The following LIAS variants were observed in gnomAD, a reference collection of about 807,000 sequenced individuals.
The protein encoded by LIAS is lipoyl synthase, mitochondrial.
Under a neutral mutation model 49.4 loss-of-function variants are expected in LIAS, and 36 were observed. That is an observed-to-expected ratio of 0.73 (90% CI 0.56 to 0.96). The LOEUF is 0.96. Ranked by LOEUF, LIAS falls within the 40% of genes least tolerant of loss-of-function variation. The pLI is 0.00. For synonymous variants in LIAS, 145 were observed against 155.8 expected (o/e 0.93, Z 0.52); for missense variants, 399 against 456.3 (o/e 0.87, Z 1.14).
intron 10 of LIAS, chr4:39,475,645 C>G (rs1414292086): frequency 6.6e-6 from 1 of 152,454 alleles, no homozygotes; most frequent in Non-Finnish European, 1.5e-5. Context: ...GGGTGGATCA[C>G]TTGAGCCCAG....
intron 6 of LIAS, chr4:39,466,290 G>A (rs1290701916): frequency 6.6e-6 from 1 of 152,012 alleles, no homozygotes; most frequent in Non-Finnish European, 1.5e-5. Context: ...TGGCACCTAA[G>A]CGCACTTAGT....
In LIAS at chr4:39,460,941, T is replaced by C. The variant is rs767940352; in HGVS notation, c.197T>C (p.Leu66Pro). 5 of 1,596,404 alleles carry C rather than the reference T, an allele frequency of 3.1e-6. No individual in the cohort carries two copies. The highest frequency in any genetic ancestry group is 4.3e-6 in the Non-Finnish European group (5 of 1,174,174). Residue 66 changes from leucine (L) to proline (P), a missense_variant, in exon 2 of 11, where the codon CTA (leucine) becomes CCA (proline). Transcript: ENST00000640888. ...RSTWDEYKGN[L>P]KRQKGERLRL... ...ACCTGGGATGAATATAAAGGAAACCTAAAACGCCAGAAAGGAGAAAGGTAA... is the reference window on the plus strand; with the variant it reads ...ACCTGGGATGAATATAAAGGAAACCCAAAACGCCAGAAAGGAGAAAGGTAA...
At chr4:39,463,873 A>G (rs756932798) in intron 4 of LIAS, 7 of 473,568 alleles carry the variant, frequency 1.5e-5, no homozygotes, top group Non-Finnish European at 2.3e-5. Flanking sequence ...ATGTTTGGAA[A>G]CATTATTCAT....
intron 1 of LIAS, among the ~76,000 whole-genome samples, chr4:39,459,812 T>C (rs1744357222): frequency 1.3e-5 from 2 of 152,156 alleles, no homozygotes; most frequent in South Asian, 2.1e-4. Context: ...ATACAAAAAT[T>C]AGCTGAGCGT....
At chr4:39,460,710 C>A (rs1744437701) in intron 1 of LIAS, 80 bp from the exon 2 acceptor site, 2 of 1,204,998 alleles carry the variant, frequency 1.7e-6, no homozygotes, top group South Asian at 2.0e-5. Flanking sequence ...CTTTACCCTT[C>A]CGTTTAGGTG....
chr4:39,459,367 C>T, intron 1 of LIAS: 2 of 608,256 alleles, frequency 3.3e-6, no homozygotes, highest in African/African-American at 1.8e-5. Flanking sequence ...GTTTGCAAGT[C>T]TCTCTGGGCC....
rs1764695857 is a variant in LIAS, at chr4:39,460,788, A to G, written c.46-2A>G. The G allele has an allele frequency of 5.8e-6, 9 of 1,560,896 alleles. No individual in the cohort carries two copies. Among genetic ancestry groups the G allele is most frequent in the Non-Finnish European group, 7.8e-6 (9 of 1,157,870 alleles). On this transcript the variant is annotated splice_acceptor_variant, in intron 1 of 10. Transcript: ENST00000640888. LOFTEE classifies it high-confidence loss of function. The stretch of plus-strand genomic sequence containing the variant: ...AAACGTCATAATTAACTCTTTCTTT[A>G]GGTATTTGGGAGATATTTTTGCAGC...
chr4:39,470,143 C>G lies in LIAS; in HGVS notation c.862C>G (p.Gln288Glu), dbSNP rs781031708. 3 of 1,610,698 alleles carry G rather than the reference C, an allele frequency of 1.9e-6. No homozygotes were observed. The South Asian group carries it at 3.3e-5, about 18-fold the overall frequency. The change falls in exon 8 of 11, where the codon CAA (glutamine) becomes GAA (glutamate). Residue 288 changes from glutamine to glutamate, a missense_variant. Transcript: ENST00000640888. ...IMLGLGENDEQVYATMKALRE... is the reference protein window; with the variant it reads ...IMLGLGENDEEVYATMKALRE... ...GTTGGGTTTAGGCGAGAATGATGAG[C>G]AAGTATATGCAACAATGAAAGGTAA... is the stretch of plus-strand genomic sequence containing the variant.
intron 9 of LIAS, 36 bp from the exon 10 acceptor site, chr4:39,473,064 T>C (rs1377069838): frequency 8.0e-7 from 1 of 1,248,676 alleles, no homozygotes; most frequent in Non-Finnish European, 1.2e-6. Flanking sequence ...AAAGTGGAAT[T>C]CTAAAATCTG....
chr4:39,468,084 A>AT, intron 7 of LIAS: 1 of 152,246 alleles, frequency 6.6e-6, no homozygotes, highest in Middle Eastern at 3.4e-3. Context: ...GCAAATTTCA[A>AT]TAAGTTGTTT....
chr4:39,468,238 G>C (rs1744833844), intron 7 of LIAS: 1 of 151,832 alleles, frequency 6.6e-6, no homozygotes, highest in Non-Finnish European at 1.5e-5. Flanking sequence ...TCAGCACTTT[G>C]GGAGGCAGAG....
intron 6 of LIAS, among the ~76,000 whole-genome samples, chr4:39,465,802 G>T (rs1010187188): frequency 2.6e-5 from 4 of 151,934 alleles, no homozygotes; most frequent in African/African-American, 7.3e-5. Flanking sequence ...GGGATTAGAG[G>T]CCCACGCCAC....
chr4:39,472,979 C>G (rs561477963), intron 9 of LIAS, 121 bp from the exon 10 acceptor site: 19 of 613,988 alleles, frequency 3.1e-5, no homozygotes, highest in Non-Finnish European at 5.2e-5. Flanking sequence ...AGGACAAAAG[C>G]CTGGGGGTGG....
rs1202453126 is a variant in LIAS at position 39,479,404 on chromosome 4, TA to T, written c.*2290del. ...GGTGGCGCATGTCTGTAATCCCAGC[TA>T]CTCAGGAGGCTGAGACAGGAGAATC... On this transcript the variant is annotated 3_prime_UTR_variant, in exon 11 of 11. Coordinates refer to ENST00000640888, the MANE Select transcript of LIAS (RefSeq NM_006859.4). The T allele has an allele frequency of 7.1e-6, 1 of 141,160 alleles. No individual in the cohort carries two copies. Among genetic ancestry groups the T allele is most frequent in the Non-Finnish European group, 1.5e-5 (1 of 66,300 alleles). 8.7% of individuals were successfully genotyped at this position (141,160 alleles called of 1,614,324 possible). A position where few individuals can be genotyped will look rare whatever the true frequency, so the allele number is the denominator to read the frequency against.
chr4:39,467,423 T>G, intron 6 of LIAS, 95 bp from the exon 7 acceptor site: 3 of 1,224,294 alleles, frequency 2.5e-6, no homozygotes, highest in Non-Finnish European at 3.3e-6. Flanking sequence ...GTTACTGTGT[T>G]GAAGCATACT....
chr4:39,475,410 T>TAAAC (rs1745160244), intron 10 of LIAS: 1 of 133,154 alleles, frequency 7.5e-6, no homozygotes, highest in Admixed American at 7.7e-5. Context: ...AATAAATAAA[T>TAAAC]AAACTAGGTA....
At chr4:39,469,937 T>G (rs1015536263) in intron 7 of LIAS, 82 bp from the exon 8 acceptor site, 8 of 1,277,190 alleles carry the variant, frequency 6.3e-6, no homozygotes, top group Non-Finnish European at 8.9e-6. Context: ...AATGTACTTC[T>G]CTGGTCTTTC....
chr4:39,477,140 A>T lies in LIAS; in HGVS notation c.*25A>T. 6.3e-7 allele frequency: 1 copy of T among 1,576,366 alleles called. No individual in the cohort carries two copies. Reference sequence around the variant, plus strand: ...AAACTTCAACAAGACCTTCAAGATCACAGAAATTTTTAAAATTTGATTCCA... The same window carrying T: ...AAACTTCAACAAGACCTTCAAGATCTCAGAAATTTTTAAAATTTGATTCCA... On this transcript the variant is annotated 3_prime_UTR_variant, in exon 11 of 11. Transcript: ENST00000640888.
chr4:39,472,156 CATCTT>C (rs1255639059), intron 9 of LIAS, among the ~76,000 whole-genome samples: 2 of 151,794 alleles, frequency 1.3e-5, no homozygotes, highest in African/African-American at 4.8e-5. Flanking sequence ...CATATATACA[CATCTT>C]ATTCTTATGA....
Sources: allele counts gnomAD v4.1 joint callset (sites outside exome capture counted in the v4.1 genomes callset), GRCh38; gene constraint gnomAD v4.1.1; transcripts MANE v1.5; gene names NCBI Gene and HGNC (gene_info 2026-07-23, HGNC 2026-07-21).